PPWD1: variants seen among roughly 807,000 people sequenced by gnomAD.
PPWD1 encodes the protein peptidylprolyl isomerase domain and WD repeat containing 1, also known as peptidylprolyl isomerase domain and WD repeat-containing protein 1.
Under a neutral mutation model 68.8 loss-of-function variants are expected in PPWD1, and 43 were observed. The observed-to-expected ratio is 0.62, with a 90% confidence interval of 0.49 to 0.81. The LOEUF is 0.81. PPWD1 is among the 30% of genes least tolerant of loss of function. The pLI is 0.00. For missense variants in PPWD1, 672 were observed against 804.8 expected (o/e 0.83, Z 2.00); for synonymous variants, 232 against 258.7 (o/e 0.90, Z 0.99).
chr5:65,571,709 G>C, intron 4 of PPWD1, 130 bp from the exon 5 acceptor site: 1 of 1,400,598 alleles, frequency 7.1e-7, no homozygotes, highest in Non-Finnish European at 9.4e-7. Flanking sequence ...CTGTGTCTCT[G>C]CTACTTTTGA....
intron 4 of PPWD1, among the ~76,000 whole-genome samples, chr5:65,571,398 T>C (rs571222314): frequency 1.1e-4 from 17 of 152,284 alleles, no homozygotes; most frequent in African/African-American, 3.8e-4. Context: ...TTTGACGTAT[T>C]GTCATAATAA....
At chr5:65,585,118 CAT>C (rs1277945601) in intron 9 of PPWD1, 23 bp downstream of exon 9, 2 of 1,570,860 alleles carry the variant, frequency 1.3e-6, no homozygotes, top group Non-Finnish European at 1.8e-6. Context: ...AATTTCATGT[CAT>C]ATAAGAAATA....
intron 10 of PPWD1, among the ~76,000 whole-genome samples, chr5:65,586,988 C>A (rs1753878274): frequency 6.6e-6 from 1 of 152,028 alleles, no homozygotes; most frequent in Admixed American, 6.6e-5. Context: ...AGTAACTTAC[C>A]TTTAGGGAAG....
chr5:65,563,606 G>A, intron 1 of PPWD1, 100 bp downstream of exon 1: 3 of 1,449,484 alleles, frequency 2.1e-6, no homozygotes, highest in Non-Finnish European at 2.8e-6. Flanking sequence ...GGAGTTTTGT[G>A]CCCTCAGAAC....
intron 6 of PPWD1, among the ~76,000 whole-genome samples, chr5:65,578,165 C>T (rs901192119): frequency 2.6e-5 from 4 of 152,220 alleles, no homozygotes; most frequent in African/African-American, 9.6e-5. Flanking sequence ...TGCCTCACCA[C>T]AGCTTGATAG....
At chr5:65,578,503 T>C (rs1206191533) in intron 6 of PPWD1, among the ~76,000 whole-genome samples, 3 of 152,162 alleles carry the variant, frequency 2.0e-5, no homozygotes, top group Non-Finnish European at 2.9e-5. Context: ...CATTTGGTAT[T>C]GTCAGTGTTC....
intron 5 of PPWD1, among the ~76,000 whole-genome samples, chr5:65,573,349 A>G (rs1753100548): frequency 6.7e-6 from 1 of 148,248 alleles, no homozygotes. Context: ...ACTTGAGTGC[A>G]GTGGCATGAT....
intron 6 of PPWD1, among the ~76,000 whole-genome samples, chr5:65,578,835 G>T (rs115183228): frequency 0.02 from 2,850 of 143,688 alleles, 69 homozygotes; most frequent in African/African-American, 0.062. Flanking sequence ...TTTAAAAAAA[G>T]AGTTTTTTAT....
intron 1 of PPWD1, among the ~76,000 whole-genome samples, chr5:65,566,254 CA>C (rs1223099412): frequency 6.6e-6 from 1 of 152,178 alleles, no homozygotes; most frequent in East Asian, 1.9e-4. Flanking sequence ...GACAGGCAGG[CA>C]GTCCAGGATT....
rs1179262926 is a variant in PPWD1 at position 65,579,459 on chromosome 5, G to C, written c.1196G>C (p.Arg399Thr). 1 of 1,591,328 alleles carries C rather than the reference G, an allele frequency of 6.3e-7. No individual in the cohort carries two copies. Among genetic ancestry groups the C allele is most frequent in the Non-Finnish European group, 8.5e-7 (1 of 1,171,666 alleles). ...ATTTTAGGCAAACAAGAAAATATTA[G>C]AGTGATGCAATTGGCTTTGTTCCAG... ...VRILGKQENI[R>T]VMQLALFQGI... is the part of the protein sequence containing the mutation. Residue 399 changes from arginine (R) to threonine (T), a missense_variant, in exon 7 of 11, where the codon AGA becomes ACA. Arg to Thr is a moderately conservative substitution (Grantham distance 71). This residue lies in a region of PPWD1 where 484 missense variants were observed against 646.2 expected (regional missense o/e 0.75). Coordinates refer to ENST00000261308, the MANE Select transcript of PPWD1 (RefSeq NM_015342.4).
At chr5:65,571,268 C>G (rs531609347) in intron 4 of PPWD1, among the ~76,000 whole-genome samples, 1 of 152,264 alleles carries the variant, frequency 6.6e-6, no homozygotes, top group Non-Finnish European at 1.5e-5. Flanking sequence ...TGTTTTAGTA[C>G]AATTGATTAG....
At chr5:65,573,611 T>A (rs185566347) in intron 5 of PPWD1, among the ~76,000 whole-genome samples, 1 of 139,848 alleles carries the variant, frequency 7.2e-6, no homozygotes, top group African/African-American at 2.7e-5. Flanking sequence ...TGGCCTCAAG[T>A]GATCTGCCTG....
rs1430916098 is a variant in PPWD1, at chr5:65,572,078, C to A, written c.761C>A (p.Pro254His). The change falls in exon 5 of 11, where the codon CCT (proline) becomes CAT (histidine). Residue 254 changes from proline to histidine, a missense_variant. Coordinates refer to ENST00000261308, the MANE Select transcript of PPWD1 (RefSeq NM_015342.4). ...SGMIEYWTGPPHEYKFPKNVN... is the reference protein window; with the variant it reads ...SGMIEYWTGPHHEYKFPKNVN... The stretch of plus-strand genomic sequence containing the variant: ...ATGATTGAATACTGGACTGGGCCTC[C>A]TCATGAATATAAATTCCCCAAAAAT... 6.2e-7 allele frequency: 1 copy of A among 1,613,522 alleles called. No homozygotes were observed. The highest frequency in any genetic ancestry group is 1.7e-5 in the Admixed American group (1 of 59,996).
At chr5:65,573,080 T>G (rs1363366723) in intron 5 of PPWD1, among the ~76,000 whole-genome samples, 1 of 152,110 alleles carries the variant, frequency 6.6e-6, no homozygotes. Flanking sequence ...TCTCCCTGCC[T>G]TTTATTCTGC....
Position 65,577,072 on chromosome 5 carries a change from A to G in PPWD1, c.1160+3A>G. 1 of 1,605,574 alleles carries G rather than the reference A, an allele frequency of 6.2e-7. No homozygotes were observed. Among genetic ancestry groups the G allele is most frequent in the South Asian group, 1.1e-5 (1 of 90,414 alleles). ...GTTATAAATGTAGAGACAAACCGGT[A>G]AGCTTTAATATGAGGTATGTTTTTT... On this transcript the variant is annotated splice_donor_region_variant and intron_variant, in intron 6 of 10. Coordinates refer to ENST00000261308, the MANE Select transcript of PPWD1 (RefSeq NM_015342.4).
intron 6 of PPWD1, 54 bp downstream of exon 6, chr5:65,577,123 TC>T (rs1581158979): frequency 6.4e-7 from 1 of 1,553,420 alleles, no homozygotes; most frequent in African/African-American, 1.4e-5. Flanking sequence ...GGGGACCATT[TC>T]CTCCATCATG....
chr5:65,586,798 G>A (rs1753871395), intron 10 of PPWD1, among the ~76,000 whole-genome samples: 1 of 152,136 alleles, frequency 6.6e-6, no homozygotes, highest in South Asian at 2.1e-4. Flanking sequence ...TGAAGAAACA[G>A]TGAGACATGA....
At chr5:65,566,169 T>C (rs1752749313) in intron 1 of PPWD1, among the ~76,000 whole-genome samples, 2 of 152,188 alleles carry the variant, frequency 1.3e-5, no homozygotes, top group South Asian at 4.1e-4. Flanking sequence ...ATTAAGTTTA[T>C]CTACATACTA....
chr5:65,587,385 A>G lies in PPWD1; in HGVS notation c.1930A>G (p.Thr644Ala). 2 of 1,605,494 alleles carry G rather than the reference A, an allele frequency of 1.2e-6. No individual in the cohort carries two copies. The highest frequency in any genetic ancestry group is 1.7e-6 in the Non-Finnish European group (2 of 1,174,878). The change falls in exon 11 of 11, where the codon ACT (threonine) becomes GCT (alanine). Residue 644 changes from threonine to alanine, a missense_variant. By Grantham distance (58) the Thr-to-Ala change is moderately conservative. This residue lies in a region of PPWD1 where 484 missense variants were observed against 646.2 expected (regional missense o/e 0.75). Coordinates refer to ENST00000261308, the MANE Select transcript of PPWD1 (RefSeq NM_015342.4). ...TGAGGATGTCAGCATCATAAATATT[A>G]CTGTCAAGTAAAATAAGATTTGTTT... ...PYEDVSIINI[T>A]VK is the part of the protein sequence containing the mutation.
Sources: allele counts gnomAD v4.1 joint callset (sites outside exome capture counted in the v4.1 genomes callset), GRCh38; gene constraint gnomAD v4.1.1; regional missense constraint gnomAD v4.1.1; transcripts MANE v1.5; gene names NCBI Gene and HGNC (gene_info 2026-07-23, HGNC 2026-07-21).